Variants in SLC23A2 observed in about 807,000 individuals in gnomAD.
The protein encoded by SLC23A2 is Na(+)/L-ascorbic acid transporter 2.
SLC23A2 carries 36 observed loss-of-function variants against 73.3 expected under a neutral mutation model. That is an observed-to-expected ratio of 0.49 (90% CI 0.38 to 0.65). The LOEUF (loss-of-function observed/expected upper bound fraction) is 0.65, where lower values mean the gene tolerates loss of function less well. SLC23A2 is among the 30% of genes least tolerant of loss of function. The pLI is 0.00. For synonymous variants in SLC23A2, 343 were observed against 327.3 expected, an observed-to-expected ratio of 1.05 and a Z score of -0.52; for missense variants, 507 against 841.6, an observed-to-expected ratio of 0.60 and a Z score of 4.92.
At chr20:4,962,449 G>A (rs1254130236) in intron 2 of SLC23A2, among the ~76,000 whole-genome samples, 1 of 152,216 alleles carries the variant, frequency 6.6e-6, no homozygotes, top group Admixed American at 6.5e-5. Context: ...GACCAATGAA[G>A]GGGAGGAATG....
intron 4 of SLC23A2, among the ~76,000 whole-genome samples, chr20:4,905,147 C>T (rs8125804): frequency 0.22 from 32,093 of 146,910 alleles, 4,317 homozygotes; most frequent in Non-Finnish European, 0.31. Flanking sequence ...CAAGACTTTT[C>T]GCATCCAGGC....
intron 3 of SLC23A2, among the ~76,000 whole-genome samples, chr20:4,914,208 A>G (rs1032321749): frequency 1.3e-5 from 2 of 151,820 alleles, no homozygotes; most frequent in Non-Finnish European, 1.5e-5. Flanking sequence ...ATGCGTAAAG[A>G]ACACCTCAAA....
At chr20:4,930,378 T>C (rs1932776044) in intron 3 of SLC23A2, among the ~76,000 whole-genome samples, 1 of 152,132 alleles carries the variant, frequency 6.6e-6, no homozygotes, top group Non-Finnish European at 1.5e-5. Context: ...GTGAAGAAAA[T>C]CCAGTTTCAA....
intron 2 of SLC23A2, among the ~76,000 whole-genome samples, chr20:4,946,071 C>T (rs1243155175): frequency 6.6e-6 from 1 of 152,188 alleles, no homozygotes; most frequent in African/African-American, 2.4e-5. Flanking sequence ...GAAGGAATCT[C>T]CTTTGCACCC....
Position 4,862,626 on chromosome 20 carries a change from G to A in SLC23A2, c.1486+152C>T. ...TTAATATAAATTCAACTCAGAGAGT[G>A]ATAAAAGTTTTCATTTTTTGAAGGC... On this transcript the variant is annotated intron_variant, in intron 14 of 16. Coordinates refer to ENST00000338244, the MANE Select transcript of SLC23A2 (RefSeq NM_005116.6). The surrounding 1 kb of genome is among the most constrained non-coding windows in gnomAD (Gnocchi z 5.1). The A allele has an allele frequency of 3.1e-6, 2 of 638,148 alleles. No individual in the cohort carries two copies. The highest frequency in any genetic ancestry group is 5.4e-6 in the Non-Finnish European group (2 of 373,694). 39.5% of individuals were successfully genotyped at this position (638,148 alleles called of 1,614,324 possible).
intron 4 of SLC23A2, among the ~76,000 whole-genome samples, chr20:4,905,969 T>C (rs1395206431): frequency 1.3e-5 from 2 of 152,250 alleles, no homozygotes; most frequent in Non-Finnish European, 2.9e-5. Context: ...TATTATTCTC[T>C]TGTACATTTC....
chr20:4,985,867 T>TGA (rs1382936880), intron 1 of SLC23A2, among the ~76,000 whole-genome samples: 1 of 152,162 alleles, frequency 6.6e-6, no homozygotes, highest in Non-Finnish European at 1.5e-5. Context: ...TAACCACTAA[T>TGA]GACAGCCAGA....
At chr20:4,942,967 G>T (rs1018705571) in intron 2 of SLC23A2, among the ~76,000 whole-genome samples, 3 of 151,908 alleles carry the variant, frequency 2.0e-5, no homozygotes, top group Admixed American at 2.0e-4. Context: ...GACTCCCAAC[G>T]CTTTGGGAGG....
At chr20:4,924,501 T>G (rs1932606141) in intron 3 of SLC23A2, among the ~76,000 whole-genome samples, 1 of 152,250 alleles carries the variant, frequency 6.6e-6, no homozygotes, top group East Asian at 1.9e-4. Context: ...CACCAGCTCC[T>G]GCCTGGCCTC....
intron 9 of SLC23A2, among the ~76,000 whole-genome samples, chr20:4,875,911 G>A (rs1433541887): frequency 1.3e-5 from 2 of 152,162 alleles, no homozygotes; most frequent in Admixed American, 6.5e-5. Flanking sequence ...ATCGACAGCC[G>A]GTCAAGTGTG....
intron 2 of SLC23A2, among the ~76,000 whole-genome samples, chr20:4,940,049 G>A (rs1222213977): frequency 6.6e-6 from 1 of 152,180 alleles, no homozygotes; most frequent in Non-Finnish European, 1.5e-5. Flanking sequence ...AGGCATGGTG[G>A]CTCATGCCTC....
chr20:4,922,422 C>T (rs933069427), intron 3 of SLC23A2, among the ~76,000 whole-genome samples: 2 of 152,172 alleles, frequency 1.3e-5, no homozygotes, highest in African/African-American at 4.8e-5. Flanking sequence ...GGAAGCTTGT[C>T]AACTACTTCT....
chr20:4,976,601 G>A (rs191675966), intron 1 of SLC23A2, among the ~76,000 whole-genome samples: 56 of 151,932 alleles, frequency 3.7e-4, no homozygotes, highest in Non-Finnish European at 6.8e-4. Context: ...GCTTGAACCC[G>A]GAGGCAGAGG....
Position 4,899,647 on chromosome 20 carries a change from C to T in SLC23A2, c.390G>A (p.Val130=). The change falls in exon 6 of 17, where the codon GTG becomes GTA. Residue 130 remains valine, a synonymous_variant. Transcript: ENST00000338244. This position sits in a 1 kb window ranked among gnomAD's most constrained non-coding sequence, Gnocchi z 4.9. ...GGCTGGTGGCCCACTGGTCGTACCC[C>T]ACACACATGGCATCGGCCAACAGGA... is the stretch of plus-strand genomic sequence containing the variant. ...VPFLLADAMC[V]GYDQWATSQL... The T allele has an allele frequency of 1.2e-6, 2 of 1,614,140 alleles. No homozygotes were observed. The highest frequency in any genetic ancestry group is 1.7e-6 in the Non-Finnish European group (2 of 1,179,998).
At position 4,856,120 on chromosome 20, in the gene SLC23A2, G is replaced by A. The variant is rs924957848; in HGVS notation, c.*852C>T. 4 of 152,230 alleles carry A rather than the reference G, an allele frequency of 2.6e-5. No individual in the cohort carries two copies. Among genetic ancestry groups the A allele is most frequent in the Non-Finnish European group, 5.9e-5 (4 of 68,050 alleles). 9.4% of individuals were successfully genotyped at this position (152,230 alleles called of 1,614,324 possible). A position where few individuals can be genotyped will look rare whatever the true frequency, so the allele number is the denominator to read the frequency against. ...CGCGCGACAATAACATCCACATGAC[G>A]GCAGAGCCAAGACGCCCATCAGCTT... is the stretch of plus-strand genomic sequence containing the variant. On this transcript the variant is annotated 3_prime_UTR_variant, in exon 17 of 17. Transcript: ENST00000338244. This position sits in a 1 kb window ranked among gnomAD's most constrained non-coding sequence, Gnocchi z 4.6.
chr20:4,966,837 C>CACATACACACACACACACACAT (rs145917671), intron 2 of SLC23A2, among the ~76,000 whole-genome samples: 2 of 147,066 alleles, frequency 1.4e-5, no homozygotes, highest in Admixed American at 6.8e-5. Flanking sequence ...CACACACACA[C>CACATACACACACACACACACAT]ACACACACAC....
At chr20:4,913,067 A>G (rs1392598775) in intron 3 of SLC23A2, 89 bp from the exon 4 acceptor site, 4 of 816,754 alleles carry the variant, frequency 4.9e-6, no homozygotes, top group Admixed American at 3.6e-5. Context: ...TGGTGAGTGC[A>G]TGACCAGGCA....
chr20:4,857,186 CCT>C lies in SLC23A2; in HGVS notation c.1737_1738del (p.Gly580AsnfsTer64). ...CACACCCTTCTTCCATTTCCGGATTCCTCTTTCCTCTGGAGTGCCTGTCACAC... is the reference window on the plus strand; with the variant it reads ...CACACCCTTCTTCCATTTCCGGATTCCTTTCCTCTGGAGTGCCTGTCACAC... On this transcript the variant is annotated frameshift_variant, in exon 17 of 17. Coordinates refer to ENST00000338244, the MANE Select transcript of SLC23A2 (RefSeq NM_005116.6). LOFTEE classifies it high-confidence loss of function. This position sits in a 1 kb window ranked among gnomAD's most constrained non-coding sequence, Gnocchi z 4.0. The C allele has an allele frequency of 6.2e-7, 1 of 1,604,890 alleles. No homozygotes were observed. Among genetic ancestry groups the C allele is most frequent in the Non-Finnish European group, 8.5e-7 (1 of 1,173,968 alleles).
chr20:4,862,771 G>A lies in SLC23A2; in HGVS notation c.1486+7C>T, dbSNP rs372977707. ...GTAAAGGAAAAAGCCAGAGAGGGGA[G>A]TCTTACCAAAGAGCGTGCAGAACAG... On this transcript the variant is annotated splice_region_variant and intron_variant, in intron 14 of 16. Transcript: ENST00000338244. This position sits in a 1 kb window ranked among gnomAD's most constrained non-coding sequence, Gnocchi z 5.1. The A allele has an allele frequency of 5.0e-6, 8 of 1,607,208 alleles. No homozygotes were observed. The African/African-American group carries it at 1.1e-4, about 21-fold the overall frequency.
Sources: allele counts gnomAD v4.1 joint callset (sites outside exome capture counted in the v4.1 genomes callset), GRCh38; gene constraint gnomAD v4.1.1; non-coding constraint Gnocchi (gnomAD v3.1); transcripts MANE v1.5; gene names NCBI Gene and HGNC (gene_info 2026-07-23, HGNC 2026-07-21).